Variants in COL23A1 observed in about 807,000 individuals in gnomAD.
COL23A1 encodes collagen type XXIII alpha 1 chain, also known as collagen alpha-1(XXIII) chain.
In COL23A1, 97 loss-of-function variants were observed where a neutral mutation model predicts 99.3. That is an observed-to-expected ratio of 0.98 (90% confidence interval 0.83 to 1.16). COL23A1 has a LOEUF of 1.16. Ranked by LOEUF, COL23A1 falls within the 50% of genes most tolerant of loss-of-function variation. The probability of loss-of-function intolerance (pLI) is 0.00; values close to 1 mark genes in which losing one functional copy is unlikely to be tolerated. For synonymous variants in COL23A1, 320 were observed against 308.2 expected (o/e 1.04, Z -0.40); for missense variants, 762 against 757.4 (o/e 1.01, Z -0.07).
chr5:178,286,568 G>A (rs1757163320), intron 5 of COL23A1, among the ~76,000 whole-genome samples: 1 of 152,230 alleles, frequency 6.6e-6, no homozygotes, highest in Non-Finnish European at 1.5e-5. Context: ...AAGCCAAGGG[G>A]CTTTCCTTTC....
In COL23A1 at chr5:178,238,713, G is replaced by A. The variant is rs763281163; in HGVS notation, c.1621-13C>T. ...GGCCTGTGGGTCACTGGAAAAGGAG[G>A]AAGAGACTGAAGGTGACGAGGAGCC... On this transcript the variant is annotated splice_polypyrimidine_tract_variant and intron_variant, in intron 28 of 28. Transcript: ENST00000390654. 6.8e-6 allele frequency: 11 copies of A among 1,612,126 alleles called. No individual in the cohort carries two copies. In the Admixed American group the frequency reaches 1.2e-4, roughly 17 times the overall value.
chr5:178,317,581 G>A (rs1248495201), intron 2 of COL23A1, among the ~76,000 whole-genome samples: 1 of 152,196 alleles, frequency 6.6e-6, no homozygotes, highest in East Asian at 1.9e-4. Context: ...ACACAATCAT[G>A]AACATCTTGA....
intron 2 of COL23A1, chr5:178,344,847 C>A: frequency 1.3e-6 from 1 of 744,328 alleles, no homozygotes; most frequent in Non-Finnish European, 2.3e-6. Flanking sequence ...TTGAAGATGG[C>A]GGGGCGATCT....
chr5:178,300,738 T>TA (rs1554134192), intron 3 of COL23A1, among the ~76,000 whole-genome samples: 4,507 of 150,692 alleles, frequency 0.03, 76 homozygotes, highest in African/African-American at 0.046. Flanking sequence ...TTTATTTATT[T>TA]TTTTTAGTAG....
At chr5:178,359,363 A>G (rs889698577) in intron 2 of COL23A1, among the ~76,000 whole-genome samples, 5 of 152,216 alleles carry the variant, frequency 3.3e-5, no homozygotes, top group African/African-American at 9.6e-5. Context: ...CGTTTCTACT[A>G]AAAACACACA....
intron 2 of COL23A1, among the ~76,000 whole-genome samples, chr5:178,357,232 A>T (rs910944879): frequency 5.9e-5 from 9 of 152,168 alleles, no homozygotes; most frequent in Admixed American, 2.0e-4. Context: ...CTGCTTTCTG[A>T]AGTGCCGGGT....
chr5:178,331,911 A>G (rs540551450), intron 2 of COL23A1, among the ~76,000 whole-genome samples: 3 of 152,304 alleles, frequency 2.0e-5, no homozygotes, highest in Non-Finnish European at 4.4e-5. Flanking sequence ...AGCCAAGCAA[A>G]GCCACTTGGC....
At chr5:178,570,118 T>C (rs976031092) in intron 1 of COL23A1, among the ~76,000 whole-genome samples, 12 of 151,188 alleles carry the variant, frequency 7.9e-5, no homozygotes, top group East Asian at 5.8e-4. Flanking sequence ...TTTTCTTTTT[T>C]TTTTTTTCCT....
intron 22 of COL23A1, 125 bp downstream of exon 22, chr5:178,247,401 G>T: frequency 9.2e-7 from 1 of 1,088,518 alleles, no homozygotes. Context: ...ACGTTCAGGC[G>T]CTGGGAAGAC....
In COL23A1 at chr5:178,552,220, C is replaced by A. The variant is rs182206522; in HGVS notation, c.361+8462G>T. On this transcript the variant is annotated intron_variant, in intron 2 of 28. Coordinates refer to ENST00000390654, the MANE Select transcript of COL23A1 (RefSeq NM_173465.4). ...TACCTCTCCTGCCTTCCTCTAACAA[C>A]TGGGTCTGCAATTGCCTCTAAGAAT... 2.0e-5 allele frequency among the ~76,000 whole-genome samples: 3 copies of A among 152,312 alleles called. No homozygotes were observed. In the East Asian group the frequency reaches 5.8e-4, roughly 29 times the overall value.
intron 2 of COL23A1, among the ~76,000 whole-genome samples, chr5:178,451,656 CAA>C (rs5873614): frequency 2.8e-5 from 3 of 105,584 alleles, no homozygotes; most frequent in Non-Finnish European, 3.6e-5. Flanking sequence ...AACTCCATCT[CAA>C]AAAAAAAAAA....
At chr5:178,552,972 T>C (rs1263756217) in intron 2 of COL23A1, among the ~76,000 whole-genome samples, 1 of 152,122 alleles carries the variant, frequency 6.6e-6, no homozygotes, top group Non-Finnish European at 1.5e-5. Flanking sequence ...CCTCCCAAAG[T>C]GCTGGGATTA....
chr5:178,552,696 C>CA (rs1412902737), intron 2 of COL23A1, among the ~76,000 whole-genome samples: 1 of 127,078 alleles, frequency 7.9e-6, no homozygotes, highest in African/African-American at 3.3e-5. Context: ...CCTAACTCAC[C>CA]AAAAAAAATT....
chr5:178,245,466 C>CCCAT (rs968241987), intron 25 of COL23A1, among the ~76,000 whole-genome samples: 14 of 150,562 alleles, frequency 9.3e-5, no homozygotes, highest in African/African-American at 3.4e-4. Context: ...CATCCACCCA[C>CCCAT]CCATCCATCC....
chr5:178,377,427 C>G (rs13188035), intron 2 of COL23A1, among the ~76,000 whole-genome samples: 21,922 of 152,254 alleles, frequency 0.14, 2,214 homozygotes, highest in African/African-American at 0.28. Context: ...TCTGGAGAAT[C>G]AGCCCAAGGC....
chr5:178,300,897 T>C (rs1469550791), intron 3 of COL23A1, among the ~76,000 whole-genome samples: 2 of 152,190 alleles, frequency 1.3e-5, no homozygotes, highest in Non-Finnish European at 2.9e-5. Flanking sequence ...GCAATGCAAC[T>C]ATGATGTGCT....
At chr5:178,350,514 G>A (rs997763648) in intron 2 of COL23A1, among the ~76,000 whole-genome samples, 2 of 152,202 alleles carry the variant, frequency 1.3e-5, no homozygotes, top group Non-Finnish European at 2.9e-5. Flanking sequence ...TCAGGACTCT[G>A]CAATGTGGGG....
chr5:178,422,824 G>A (rs1351482496), intron 2 of COL23A1, among the ~76,000 whole-genome samples: 1 of 152,088 alleles, frequency 6.6e-6, no homozygotes, highest in Non-Finnish European at 1.5e-5. Context: ...TAATTACTGA[G>A]TATAATTATA....
intron 2 of COL23A1, among the ~76,000 whole-genome samples, chr5:178,404,467 G>A (rs1764641592): frequency 1.4e-5 from 2 of 140,126 alleles, no homozygotes; most frequent in African/African-American, 5.8e-5. Context: ...AGGAAGAAAA[G>A]GGCACTCCAG....
Sources: allele counts gnomAD v4.1 joint callset (sites outside exome capture counted in the v4.1 genomes callset), GRCh38; gene constraint gnomAD v4.1.1; transcripts MANE v1.5; gene names NCBI Gene and HGNC (gene_info 2026-07-23, HGNC 2026-07-21).